Variants in AKR1E2 observed in about 807,000 individuals in gnomAD.
The protein encoded by AKR1E2 is 1,5-anhydro-D-fructose reductase.
AKR1E2 carries 43 observed loss-of-function variants against 41.9 expected under a neutral mutation model. The observed-to-expected ratio is 1.03, with a 90% CI of 0.80 to 1.32. The LOEUF (loss-of-function observed/expected upper bound fraction) is 1.32, where lower values mean the gene tolerates loss of function less well. Among genes scored for constraint, AKR1E2 ranks in the 40% most tolerant of loss-of-function variants. AKR1E2 has a pLI of 0.00. For missense variants in AKR1E2, 423 were observed against 396.5 expected, an observed-to-expected ratio of 1.07 and a Z score of -0.57; for synonymous variants, 121 against 138.9, an observed-to-expected ratio of 0.87 and a Z score of 0.91.
chr10:4,843,410 G>T (rs1834041020), intron 8 of AKR1E2, among the ~76,000 whole-genome samples: 1 of 152,162 alleles, frequency 6.6e-6, no homozygotes, highest in Non-Finnish European at 1.5e-5. Context: ...GATCTCACAG[G>T]CAACGACAGG....
upstream of AKR1E2, among the ~76,000 whole-genome samples, chr10:4,825,376 A>G (rs1051097712): frequency 1.3e-5 from 2 of 152,058 alleles, no homozygotes. Flanking sequence ...AGGAGAGATA[A>G]GAGGGGCGTC....
At chr10:4,863,027 C>G in the AKR1E2 span, among the ~76,000 whole-genome samples, 1 of 151,674 alleles carries the variant, frequency 6.6e-6, no homozygotes, top group African/African-American at 2.4e-5. Context: ...TTTAACACCC[C>G]ACTGTCAACA....
intron 4 of AKR1E2, among the ~76,000 whole-genome samples, chr10:4,836,149 T>A (rs1001869802): frequency 6.6e-6 from 1 of 152,198 alleles, no homozygotes; most frequent in African/African-American, 2.4e-5. Context: ...ACATTAAAAA[T>A]TTTATTTTCC....
Position 4,847,645 on chromosome 10 carries a change from ACAGT to A in AKR1E2, c.*119_*122del. ...CAGCTGTGCCTGGGACAGGAGCCAC[ACAGT>A]CAGAGGGGGATGTAAGAGCCACCTT... On this transcript the variant is annotated 3_prime_UTR_variant, in exon 10 of 10. Coordinates refer to ENST00000298375, the MANE Select transcript of AKR1E2 (RefSeq NM_001040177.3). 5 of 1,250,338 alleles carry A rather than the reference ACAGT, an allele frequency of 4.0e-6. No homozygotes were observed. The highest frequency in any genetic ancestry group is 1.9e-4 in the Middle Eastern group (1 of 5,234). 77.5% of individuals were successfully genotyped at this position (1,250,338 alleles called of 1,614,324 possible).
At chr10:4,846,549 C>T (rs1438146649) in intron 8 of AKR1E2, among the ~76,000 whole-genome samples, 1 of 141,120 alleles carries the variant, frequency 7.1e-6, no homozygotes, top group African/African-American at 2.6e-5. Context: ...CTGTGCCATC[C>T]TTTTTTTTTT....
chr10:4,872,619 C>T, the AKR1E2 span, among the ~76,000 whole-genome samples: 18 of 152,008 alleles, frequency 1.2e-4, no homozygotes, highest in Non-Finnish European at 2.2e-4. Flanking sequence ...TCTCTGTTAC[C>T]CCTACCCTGT....
At chr10:4,854,374 G>A in the AKR1E2 span, among the ~76,000 whole-genome samples, 2 of 152,084 alleles carry the variant, frequency 1.3e-5, no homozygotes, top group East Asian at 1.9e-4. Context: ...TTATAGGCAT[G>A]AGCCACCGCA....
chr10:4,845,075 A>G (rs1457494327), intron 8 of AKR1E2, among the ~76,000 whole-genome samples: 1 of 152,158 alleles, frequency 6.6e-6, no homozygotes, highest in Non-Finnish European at 1.5e-5. Context: ...GGAGGCAGCT[A>G]AGGCCTGGCG....
Position 4,833,366 on chromosome 10 carries a change from A to T in AKR1E2, c.224A>T (p.His75Leu). ...FIATKLWCTCHKKSLVETACR... is the reference protein window; with the variant it reads ...FIATKLWCTCLKKSLVETACR... ...CCTTTGTAGCTGTGGTGCACCTGCC[A>T]TAAGAAGTCCTTGGTGGAAACAGCA... is the stretch of plus-strand genomic sequence containing the variant. Residue 75 changes from histidine to leucine, a missense_variant, in exon 3 of 10, where the codon CAT (histidine) becomes CTT (leucine). Physicochemically the swap from His to Leu is moderately conservative, Grantham distance 99 (BLOSUM62 -3). Transcript: ENST00000298375. The T allele has an allele frequency of 6.2e-7, 1 of 1,614,210 alleles. No individual in the cohort carries two copies. The highest frequency in any genetic ancestry group is 2.2e-5 in the East Asian group (1 of 44,880).
chr10:4,839,692 TG>T, intron 5 of AKR1E2, 36 bp from the exon 6 acceptor site: 2 of 1,574,790 alleles, frequency 1.3e-6, no homozygotes, highest in Non-Finnish European at 1.7e-6. Flanking sequence ...TGAACACTAG[TG>T]GTCTGAATTT....
chr10:4,844,259 T>C (rs1056359883), intron 8 of AKR1E2, among the ~76,000 whole-genome samples: 2 of 151,696 alleles, frequency 1.3e-5, no homozygotes, highest in Admixed American at 6.6e-5. Context: ...GCTCTTAAGG[T>C]GGCGCGTCTG....
chr10:4,832,471 T>A (rs1380462032), intron 2 of AKR1E2, among the ~76,000 whole-genome samples: 1 of 152,140 alleles, frequency 6.6e-6, no homozygotes, highest in Non-Finnish European at 1.5e-5. Context: ...CAACTGGAGA[T>A]TTCTAAGGCT....
chr10:4,869,472 A>C, the AKR1E2 span, among the ~76,000 whole-genome samples: 3 of 151,696 alleles, frequency 2.0e-5, no homozygotes, highest in African/African-American at 7.3e-5. Context: ...CAAACAACCA[A>C]TTCTTTGCTT....
the AKR1E2 span, among the ~76,000 whole-genome samples, chr10:4,863,054 G>T: frequency 6.6e-6 from 1 of 152,094 alleles, no homozygotes; most frequent in Non-Finnish European, 1.5e-5. Context: ...AGATCAACGA[G>T]ACAGAAAGTT....
Position 4,841,671 on chromosome 10 carries a change from T to C in AKR1E2, c.681-114T>C, listed in dbSNP as rs562415861. On this transcript the variant is annotated intron_variant, in intron 6 of 9. Coordinates refer to ENST00000298375, the MANE Select transcript of AKR1E2 (RefSeq NM_001040177.3). ...ATTTTAAAATTTCCTGTAGTCGGCA[T>C]GTGTCATGATCAGAAAATAAATCTT... 4 of 754,742 alleles carry C rather than the reference T, an allele frequency of 5.3e-6. No homozygotes were observed. The East Asian group carries it at 9.2e-5, about 17-fold the overall frequency. The allele number at this position is 754,742 out of a possible 1,614,324, so 46.8% of individuals were successfully genotyped here.
chr10:4,845,156 C>T (rs1222753324), intron 8 of AKR1E2, among the ~76,000 whole-genome samples: 10 of 152,214 alleles, frequency 6.6e-5, no homozygotes, highest in African/African-American at 1.9e-4. Context: ...GCCGCTGGCC[C>T]GAGTGCTAAG....
rs766053675 is a variant in AKR1E2 at position 4,833,470 on chromosome 10, C to T, written c.324+4C>T. The T allele has an allele frequency of 1.2e-6, 2 of 1,610,186 alleles. No homozygotes were observed. Among genetic ancestry groups the T allele is most frequent in the South Asian group, 2.2e-5 (2 of 90,992 alleles). ...ACACTGGCCCATGGGTTTCAAGGTA[C>T]CGTTCAGTAGGTAGTTCGTTCTGCA... On this transcript the variant is annotated splice_donor_region_variant and intron_variant, in intron 3 of 9. Transcript: ENST00000298375.
At chr10:4,828,813 G>C (rs1832745249) in intron 1 of AKR1E2, among the ~76,000 whole-genome samples, 1 of 152,006 alleles carries the variant, frequency 6.6e-6, no homozygotes, top group Non-Finnish European at 1.5e-5. Context: ...AATTATTATT[G>C]GGTTCTTGAT....
chr10:4,868,179 T>G, the AKR1E2 span, among the ~76,000 whole-genome samples: 3 of 152,276 alleles, frequency 2.0e-5, no homozygotes, highest in South Asian at 4.2e-4. Context: ...AATGCCAGCT[T>G]CTGGGTTCCT....
Sources: allele counts gnomAD v4.1 joint callset (sites outside exome capture counted in the v4.1 genomes callset), GRCh38; gene constraint gnomAD v4.1.1; transcripts MANE v1.5; gene names NCBI Gene and HGNC (gene_info 2026-07-23, HGNC 2026-07-21).